Variants in USP33 observed in about 807,000 individuals in gnomAD.
The protein encoded by USP33 is ubiquitin specific peptidase 33, also known as ubiquitin carboxyl-terminal hydrolase 33.
Under a neutral mutation model 124.2 loss-of-function variants are expected in USP33, and 46 were observed. The observed-to-expected ratio is 0.37, with a 90% CI of 0.29 to 0.47. USP33 has a LOEUF of 0.47. Among genes scored for constraint, USP33 ranks in the 20% least tolerant of loss-of-function variants. The probability of loss-of-function intolerance (pLI) is 0.99; values close to 1 mark genes in which losing one functional copy is unlikely to be tolerated. For synonymous variants in USP33, 350 were observed against 352.3 expected, an observed-to-expected ratio of 0.99 and a Z score of 0.07; for missense variants, 851 against 1,070.6, an observed-to-expected ratio of 0.79 and a Z score of 2.86.
chr1:77,722,838 T>C (rs1291501585), intron 12 of USP33, among the ~76,000 whole-genome samples: 12 of 152,208 alleles, frequency 7.9e-5, no homozygotes. Context: ...TATTAAAAAA[T>C]TCATGATGAT....
chr1:77,705,780 C>A (rs1249970932), intron 21 of USP33, among the ~76,000 whole-genome samples: 2 of 152,170 alleles, frequency 1.3e-5, no homozygotes, highest in Non-Finnish European at 2.9e-5. Flanking sequence ...CAGCTTAGAG[C>A]CCTCCAACAC....
chr1:77,720,637 G>T lies in USP33; in HGVS notation c.1691+535C>A, dbSNP rs17100941. ...TCCAGTTCACTTTGCCTCACAAATA[G>T]TTGCTTTTCACCAAGTCTTCCAACA... On this transcript the variant is annotated intron_variant, in intron 15 of 23. Transcript: ENST00000370794. 5.6e-3 allele frequency: 5,471 copies of T among 984,558 alleles called. 192 individuals carry two copies. In the African/African-American group the frequency reaches 0.089, roughly 16 times the overall value. 61.0% of individuals were successfully genotyped at this position (984,558 alleles called of 1,614,324 possible).
At chr1:77,721,016 T>C (rs1676505802) in intron 15 of USP33, among the ~76,000 whole-genome samples, 156 bp downstream of exon 15, 1 of 152,228 alleles carries the variant, frequency 6.6e-6, no homozygotes, top group African/African-American at 2.4e-5. Context: ...ACCTCACATT[T>C]GTTTCACAAA....
Position 77,717,882 on chromosome 1 carries a change from G to T in USP33, c.1903C>A (p.His635Asn). 1 of 1,609,058 alleles carries T rather than the reference G, an allele frequency of 6.2e-7. No homozygotes were observed. The highest frequency in any genetic ancestry group is 1.1e-5 in the South Asian group (1 of 89,572). The change falls in exon 17 of 24, where the codon CAT (histidine) becomes AAT (asparagine). Residue 635 changes from histidine (H) to asparagine (N), a missense_variant. His to Asn is a moderately conservative substitution (Grantham distance 68). This residue lies in a region of USP33 where 281 missense variants were observed against 425.0 expected (regional missense o/e 0.66). Coordinates refer to ENST00000370794, the MANE Select transcript of USP33 (RefSeq NM_201624.3). ...ATATACTTACTACTTGCAGTTCCAT[G>T]ATGGCAAATGACTGACAGAAGATCA... Reference protein sequence around the residue: ...TYDLLSVICHHGTASSGHYIA... With the variant: ...TYDLLSVICHNGTASSGHYIA...
At chr1:77,742,164 A>AG (rs1385334783) in intron 1 of USP33, among the ~76,000 whole-genome samples, 1 of 151,996 alleles carries the variant, frequency 6.6e-6, no homozygotes, top group African/African-American at 2.4e-5. Context: ...AAAAAAAAAA[A>AG]CTTCAAGTAG....
rs757533830 is a variant in USP33 at position 77,697,489 on chromosome 1, G to A, written c.2579-15C>T. ...AGAATCTGCTCCTTAAAATTACGTA[G>A]AAGAAATAATGTTTACAAACCTATA... On this transcript the variant is annotated splice_polypyrimidine_tract_variant and intron_variant, in intron 23 of 23. Coordinates refer to ENST00000370794, the MANE Select transcript of USP33 (RefSeq NM_201624.3). 1 of 1,586,122 alleles carries A rather than the reference G, an allele frequency of 6.3e-7. No homozygotes were observed. Among genetic ancestry groups the A allele is most frequent in the East Asian group, 2.2e-5 (1 of 44,618 alleles).
chr1:77,714,495 G>A, intron 19 of USP33, 119 bp downstream of exon 19: 1 of 996,800 alleles, frequency 1.0e-6, no homozygotes, highest in Admixed American at 2.7e-5. Context: ...AACACATTAA[G>A]TTTGAATGCA....
chr1:77,702,905 G>A (rs573195420), intron 21 of USP33, among the ~76,000 whole-genome samples: 15 of 148,194 alleles, frequency 1.0e-4, no homozygotes, highest in Middle Eastern at 6.8e-3. Context: ...AATTGTAGTA[G>A]TGTGTAAGTA....
At chr1:77,721,122 C>T (rs759635171) in intron 15 of USP33, 50 bp downstream of exon 15, 6 of 1,610,002 alleles carry the variant, frequency 3.7e-6, no homozygotes, top group Non-Finnish European at 5.1e-6. Flanking sequence ...ATTCTAAAAA[C>T]CAAGAAAAAT....
At chr1:77,733,993 A>C (rs1243181506) in intron 7 of USP33, among the ~76,000 whole-genome samples, 2 of 152,204 alleles carry the variant, frequency 1.3e-5, no homozygotes, top group African/African-American at 4.8e-5. Context: ...TTAAAAAAAA[A>C]ATCTAACTCC....
In USP33 at chr1:77,714,946, T is replaced by C. The variant is rs534485250; in HGVS notation, c.2046-163A>G. The C allele has an allele frequency of 5.6e-4, 378 of 673,328 alleles. 1 individual carries two copies. Among genetic ancestry groups the C allele is most frequent in the Middle Eastern group, 5.5e-3 (13 of 2,364 alleles). The allele number at this position is 673,328 out of a possible 1,614,324, so 41.7% of individuals were successfully genotyped here. ...TTTGTATTATCCACCAAATACATTA[T>C]ATACTCATAGGGATGAAACTGTATC... is the stretch of plus-strand genomic sequence containing the variant. On this transcript the variant is annotated intron_variant, in intron 18 of 23. Coordinates refer to ENST00000370794, the MANE Select transcript of USP33 (RefSeq NM_201624.3).
At position 77,739,246 on chromosome 1, in the gene USP33, A is replaced by T; in HGVS notation, c.351+19T>A. The stretch of plus-strand genomic sequence containing the variant: ...ACCGGAATGTTTTACAGCTTAACTA[A>T]GTGGATCTAGATTATTACCTGGACA... On this transcript the variant is annotated intron_variant, in intron 5 of 23. Coordinates refer to ENST00000370794, the MANE Select transcript of USP33 (RefSeq NM_201624.3). The T allele has an allele frequency of 6.3e-7, 1 of 1,592,712 alleles. No homozygotes were observed. Among genetic ancestry groups the T allele is most frequent in the East Asian group, 2.2e-5 (1 of 44,540 alleles).
At chr1:77,737,226 T>C (rs1441365166) in intron 5 of USP33, among the ~76,000 whole-genome samples, 1 of 152,214 alleles carries the variant, frequency 6.6e-6, no homozygotes, top group Non-Finnish European at 1.5e-5. Flanking sequence ...ACTCTGGTTC[T>C]CCAAGTTATT....
In USP33 at chr1:77,717,909, A is replaced by G. The variant is rs756426011; in HGVS notation, c.1876T>C (p.Tyr626His). ...TGGCAAATGACTGACAGAAGATCATATGTCACAATTTGAGCTGGACTATCC... is the reference window on the plus strand; with the variant it reads ...TGGCAAATGACTGACAGAAGATCATGTGTCACAATTTGAGCTGGACTATCC... ...AKDSPAQIVTYDLLSVICHHG... is the reference protein window; with the variant it reads ...AKDSPAQIVTHDLLSVICHHG... The change falls in exon 17 of 24, where the codon TAT becomes CAT. Residue 626 changes from tyrosine to histidine, a missense_variant. Tyr to His is a moderately conservative substitution (Grantham distance 83, BLOSUM62 2). Transcript: ENST00000370794. 3.1e-6 allele frequency: 5 copies of G among 1,613,150 alleles called. No homozygotes were observed. In the South Asian group the frequency reaches 4.4e-5, roughly 14 times the overall value.
intron 23 of USP33, 141 bp from the exon 24 acceptor site, chr1:77,697,615 A>G (rs1673543479): frequency 1.9e-6 from 2 of 1,073,904 alleles, no homozygotes; most frequent in Admixed American, 3.0e-5. Flanking sequence ...ACCAGCCCAT[A>G]TTGTTATAAG....
At chr1:77,753,588 T>A (rs904593948) in intron 1 of USP33, among the ~76,000 whole-genome samples, 1 of 152,018 alleles carries the variant, frequency 6.6e-6, no homozygotes, top group Non-Finnish European at 1.5e-5. Flanking sequence ...GTGCCTCTCA[T>A]AGAAAACCTT....
intron 22 of USP33, 37 bp downstream of exon 22, chr1:77,701,332 A>T: frequency 1.4e-6 from 2 of 1,466,082 alleles, no homozygotes; most frequent in Non-Finnish European, 1.9e-6. Context: ...AAAAACAAAT[A>T]ATTTACCAAA....
chr1:77,753,179 T>A (rs572731015), intron 1 of USP33, among the ~76,000 whole-genome samples: 1 of 152,212 alleles, frequency 6.6e-6, no homozygotes, highest in Non-Finnish European at 1.5e-5. Context: ...ATCAACCATA[T>A]AAACTGAGAC....
intron 1 of USP33, among the ~76,000 whole-genome samples, chr1:77,756,377 T>G (rs889757348): frequency 9.9e-5 from 15 of 152,208 alleles, no homozygotes; most frequent in Non-Finnish European, 1.6e-4. Context: ...AGAATGCCTG[T>G]TAAGACACAG....
Sources: allele counts gnomAD v4.1 joint callset (sites outside exome capture counted in the v4.1 genomes callset), GRCh38; gene constraint gnomAD v4.1.1; regional missense constraint gnomAD v4.1.1; transcripts MANE v1.5; gene names NCBI Gene and HGNC (gene_info 2026-07-23, HGNC 2026-07-21).